CCDC170: variants seen among roughly 807,000 people sequenced by gnomAD.
CCDC170 encodes coiled-coil domain-containing protein 170.
Under a neutral mutation model 72.6 loss-of-function variants are expected in CCDC170, and 69 were observed. The observed-to-expected ratio is 0.95, with a 90% CI of 0.78 to 1.16. CCDC170 has a LOEUF of 1.16. Ranked by LOEUF, CCDC170 falls within the 50% of genes most tolerant of loss-of-function variation. CCDC170 has a pLI of 0.00. For missense variants in CCDC170, 852 were observed against 832.5 expected (o/e 1.02, Z -0.29); for synonymous variants, 300 against 303.9 (o/e 0.99, Z 0.13).
In CCDC170 at chr6:151,538,030, T is replaced by C. The variant is rs1782619286; in HGVS notation, c.187-15T>C. 6.4e-7 allele frequency: 1 copy of C among 1,567,724 alleles called. No individual in the cohort carries two copies. The highest frequency in any genetic ancestry group is 8.6e-7 in the Non-Finnish European group (1 of 1,162,934). On this transcript the variant is annotated splice_polypyrimidine_tract_variant and intron_variant, in intron 2 of 10. Transcript: ENST00000239374. Reference sequence around the variant, plus strand: ...GTTAAGGTTTTTTTTTTTTTTAACTTCTTTTCCATGTTAGCTTCAAGACCT... The same window carrying C: ...GTTAAGGTTTTTTTTTTTTTTAACTCCTTTTCCATGTTAGCTTCAAGACCT...
At chr6:151,548,042 G>A (rs1424110781) in intron 4 of CCDC170, among the ~76,000 whole-genome samples, 1 of 152,176 alleles carries the variant, frequency 6.6e-6, no homozygotes, top group African/African-American at 2.4e-5. Flanking sequence ...GTATTTAGCA[G>A]GTTTGCTGAT....
At chr6:151,553,103 A>G (rs1442146730) in intron 5 of CCDC170, among the ~76,000 whole-genome samples, 2 of 152,096 alleles carry the variant, frequency 1.3e-5, no homozygotes, top group Non-Finnish European at 1.5e-5. Context: ...CCAATTCTTT[A>G]AAGAGCTTTG....
chr6:151,588,747 C>A (rs190228797), intron 7 of CCDC170, among the ~76,000 whole-genome samples: 24 of 152,160 alleles, frequency 1.6e-4, no homozygotes, highest in African/African-American at 4.3e-4. Flanking sequence ...TCAAGACCAG[C>A]CTGGGCAACA....
At chr6:151,533,903 A>C (rs997977701) in intron 1 of CCDC170, among the ~76,000 whole-genome samples, 3 of 152,142 alleles carry the variant, frequency 2.0e-5, no homozygotes, top group African/African-American at 7.2e-5. Context: ...GACAATCTCC[A>C]GTCTGTTGGA....
intron 9 of CCDC170, 101 bp from the exon 10 acceptor site, chr6:151,615,342 A>G (rs1295904716): frequency 3.2e-5 from 26 of 817,288 alleles, no homozygotes; most frequent in Non-Finnish European, 4.5e-5. Context: ...TATTCATAAA[A>G]AGGGTATGAA....
In CCDC170 at chr6:151,536,437, T is replaced by C. The variant is rs1249833764; in HGVS notation, c.177T>C (p.Ala59=). Residue 59 remains alanine, a synonymous_variant, in exon 2 of 11, where the codon GCT becomes GCC. Transcript: ENST00000239374. ...LAATLVKFEC[A]QSELQDLRSK... ...CAACTTTGGTCAAATTTGAATGTGC[T>C]CAGTCTGAGGTAAGATAATGCATTT... 1 of 1,614,028 alleles carries C rather than the reference T, an allele frequency of 6.2e-7. No individual in the cohort carries two copies. Among genetic ancestry groups the C allele is most frequent in the Admixed American group, 1.7e-5 (1 of 60,016 alleles).
chr6:151,612,950 TCTTTGTTTG>T (rs5880935), intron 9 of CCDC170, among the ~76,000 whole-genome samples: 83,452 of 151,256 alleles, frequency 0.55, 24,232 homozygotes, highest in African/African-American at 0.74. Context: ...GCTGTACTGG[TCTTTGTTTG>T]CTTTGTTTGC....
Position 151,615,509 on chromosome 6 carries a change from A to T in CCDC170, c.1777A>T (p.Met593Leu), listed in dbSNP as rs778815236. Residue 593 changes from methionine (M) to leucine (L), a missense_variant, in exon 10 of 11, where the codon ATG becomes TTG. Met to Leu is a conservative substitution (Grantham distance 15). Coordinates refer to ENST00000239374, the MANE Select transcript of CCDC170 (RefSeq NM_025059.4). ...CAAATCCAGAGACCAACTGGAGAAG[A>T]TGAAGGAGAAAGCTGAGAAAAAGCT... ...LNKSRDQLEK[M>L]KEKAEKKLMS... 2.5e-6 allele frequency: 4 copies of T among 1,614,154 alleles called. No individual in the cohort carries two copies. In the South Asian group the frequency reaches 3.3e-5, roughly 13 times the overall value.
intron 1 of CCDC170, among the ~76,000 whole-genome samples, chr6:151,517,019 A>G (rs936649329): frequency 1.3e-5 from 2 of 152,178 alleles, no homozygotes; most frequent in Non-Finnish European, 2.9e-5. Context: ...TTGATTTTAC[A>G]AGCTGCTCTT....
chr6:151,507,433 T>C (rs1745394934), intron 1 of CCDC170, among the ~76,000 whole-genome samples: 1 of 152,202 alleles, frequency 6.6e-6, no homozygotes, highest in South Asian at 2.1e-4. Flanking sequence ...CCATTGTAAG[T>C]TCAGGAGCAT....
intron 6 of CCDC170, among the ~76,000 whole-genome samples, chr6:151,580,162 G>A (rs1776360367): frequency 6.6e-6 from 1 of 152,154 alleles, no homozygotes; most frequent in African/African-American, 2.4e-5. Flanking sequence ...TCGGTGGTGT[G>A]CTGACTATGG....
intron 1 of CCDC170, among the ~76,000 whole-genome samples, chr6:151,507,902 A>C (rs924290418): frequency 3.3e-5 from 5 of 150,750 alleles, no homozygotes; most frequent in Non-Finnish European, 7.4e-5. Flanking sequence ...GCCTGATAAC[A>C]GAGTGAGCTC....
intron 5 of CCDC170, among the ~76,000 whole-genome samples, chr6:151,572,231 T>C (rs1776228528): frequency 6.6e-6 from 1 of 152,192 alleles, no homozygotes; most frequent in South Asian, 2.1e-4. Flanking sequence ...ACCAAATGGC[T>C]AGTTGTTTCT....
At position 151,497,607 on chromosome 6, in the gene CCDC170, T is replaced by C. The variant is rs372169405; in HGVS notation, c.57+3422T>C. Among the ~76,000 whole-genome samples the C allele has an allele frequency of 5.9e-5, 9 of 152,222 alleles. No individual in the cohort carries two copies. In the East Asian group the frequency reaches 9.7e-4, roughly 16 times the overall value. On this transcript the variant is annotated intron_variant, in intron 1 of 10. Coordinates refer to ENST00000239374, the MANE Select transcript of CCDC170 (RefSeq NM_025059.4). ...AGCCCAAACATGAAGGAAAGAGATA[T>C]GCTTTGGGGGAAGTTTACAAACATA...
intron 9 of CCDC170, among the ~76,000 whole-genome samples, chr6:151,601,624 A>G (rs1430519002): frequency 6.6e-6 from 1 of 152,112 alleles, no homozygotes; most frequent in Non-Finnish European, 1.5e-5. Flanking sequence ...ATATAGAGAG[A>G]TTTATTTTAA....
intron 5 of CCDC170, among the ~76,000 whole-genome samples, chr6:151,549,183 G>T (rs1291040138): frequency 6.6e-6 from 1 of 152,052 alleles, no homozygotes; most frequent in Non-Finnish European, 1.5e-5. Flanking sequence ...AGAATTACAG[G>T]CGTGAGCCAC....
At chr6:151,612,661 C>A (rs1173661780) in intron 9 of CCDC170, among the ~76,000 whole-genome samples, 3 of 152,066 alleles carry the variant, frequency 2.0e-5, no homozygotes, top group African/African-American at 7.2e-5. Context: ...TTGCTTCCTT[C>A]CTGACAATCT....
At chr6:151,578,828 G>A (rs188591102) in intron 6 of CCDC170, among the ~76,000 whole-genome samples, 8 of 152,292 alleles carry the variant, frequency 5.3e-5, no homozygotes, top group Non-Finnish European at 7.4e-5. Context: ...ATGTCTAAAA[G>A]GAACTGGACT....
intron 7 of CCDC170, among the ~76,000 whole-genome samples, chr6:151,587,493 G>A (rs1233038721): frequency 6.6e-6 from 1 of 152,126 alleles, no homozygotes; most frequent in Non-Finnish European, 1.5e-5. Context: ...AAGGGAAAGG[G>A]AGGCACACAG....
Sources: allele counts gnomAD v4.1 joint callset (sites outside exome capture counted in the v4.1 genomes callset), GRCh38; gene constraint gnomAD v4.1.1; transcripts MANE v1.5; gene names NCBI Gene and HGNC (gene_info 2026-07-23, HGNC 2026-07-21).